Variants in PPP1R12B observed in about 807,000 individuals in gnomAD.
PPP1R12B encodes the protein protein phosphatase 1 regulatory subunit 12B, also known as myosin phosphatase target subunit 2.
PPP1R12B carries 76 observed loss-of-function variants against 126.1 expected under a neutral mutation model. That is an observed-to-expected ratio of 0.60 (90% CI 0.50 to 0.73). The LOEUF is 0.73. Ranked by LOEUF, PPP1R12B falls within the 30% of genes least tolerant of loss-of-function variation. The pLI is 0.00. For synonymous variants in PPP1R12B, 356 were observed against 434.7 expected (o/e 0.82, Z 2.25); for missense variants, 1,052 against 1,205.1 (o/e 0.87, Z 1.88).
intron 2 of PPP1R12B, 36 bp downstream of exon 2, chr1:202,416,953 T>G (rs1455426351): frequency 1.3e-6 from 2 of 1,585,030 alleles, no homozygotes; most frequent in African/African-American, 2.7e-5. Context: ...TTTGTAGTAT[T>G]TGTAGGAATA....
chr1:202,571,445 G>GTT (rs5780114), intron 23 of PPP1R12B, among the ~76,000 whole-genome samples: 3,354 of 150,256 alleles, frequency 0.022, 52 homozygotes, highest in South Asian at 0.036. Flanking sequence ...GCTGTTTTTT[G>GTT]TTTTTTTTTT....
At chr1:202,405,212 TGTTATGGTA>T (rs1666431011) in intron 1 of PPP1R12B, among the ~76,000 whole-genome samples, 1 of 152,192 alleles carries the variant, frequency 6.6e-6, no homozygotes, top group South Asian at 2.1e-4. Context: ...CCCGTGACTC[TGTTATGGTA>T]AAACGCAGTC....
chr1:202,557,247 G>C (rs1161024554), intron 18 of PPP1R12B, among the ~76,000 whole-genome samples: 1 of 152,124 alleles, frequency 6.6e-6, no homozygotes, highest in African/African-American at 2.4e-5. Flanking sequence ...TGCCTCCAGA[G>C]TGCTGGGATT....
chr1:202,400,814 A>G lies in PPP1R12B; in HGVS notation c.292-15973A>G, dbSNP rs538327328. Among the ~76,000 whole-genome samples the G allele has an allele frequency of 2.6e-5, 4 of 152,312 alleles. No homozygotes were observed. The South Asian group carries it at 8.3e-4, about 32-fold the overall frequency. ...TAACTGAGGCAGAAAGAAGTTAAGT[A>G]ACTTATACAAGGTCTTATAGCTATT... On this transcript the variant is annotated intron_variant, in intron 1 of 23. Coordinates refer to ENST00000608999, the MANE Select transcript of PPP1R12B (RefSeq NM_002481.4).
intron 18 of PPP1R12B, among the ~76,000 whole-genome samples, chr1:202,511,720 T>C (rs1445292275): frequency 1.3e-5 from 2 of 152,140 alleles, no homozygotes; most frequent in Non-Finnish European, 2.9e-5. Flanking sequence ...AATGTCATTA[T>C]TTCATTCCTT....
chr1:202,561,949 T>G (rs1180015096), intron 19 of PPP1R12B, among the ~76,000 whole-genome samples: 1 of 152,182 alleles, frequency 6.6e-6, no homozygotes. Context: ...ACCATCCCAG[T>G]TCAGGATGTA....
At chr1:202,467,212 GTCTC>G (rs905609166) in intron 13 of PPP1R12B, among the ~76,000 whole-genome samples, 2 of 150,302 alleles carry the variant, frequency 1.3e-5, no homozygotes, top group Non-Finnish European at 3.0e-5. Flanking sequence ...TTTGTAGGAT[GTCTC>G]TCTCTTTTTT....
At chr1:202,451,791 G>T (rs1672969597) in intron 13 of PPP1R12B, among the ~76,000 whole-genome samples, 1 of 151,066 alleles carries the variant, frequency 6.6e-6, no homozygotes, top group Admixed American at 6.6e-5. Context: ...CGGCTGGCAG[G>T]GTGGGGGCTG....
intron 1 of PPP1R12B, among the ~76,000 whole-genome samples, chr1:202,373,351 G>A (rs1346116346): frequency 6.6e-6 from 1 of 152,144 alleles, no homozygotes; most frequent in Non-Finnish European, 1.5e-5. Flanking sequence ...TGAGAATTTT[G>A]TTGCTTCTAC....
chr1:202,377,563 C>T (rs1287375977), intron 1 of PPP1R12B, among the ~76,000 whole-genome samples: 1 of 151,886 alleles, frequency 6.6e-6, no homozygotes, highest in Non-Finnish European at 1.5e-5. Context: ...CTCGGCCTCC[C>T]AAAGTGCTGG....
intron 23 of PPP1R12B, chr1:202,577,063 G>A (rs1159532466): frequency 6.6e-6 from 1 of 152,202 alleles, no homozygotes; most frequent in African/African-American, 2.4e-5. Flanking sequence ...TGCAGCTGAG[G>A]GAGGAAGGGC....
intron 22 of PPP1R12B, 145 bp downstream of exon 22, chr1:202,567,976 T>C: frequency 9.9e-7 from 1 of 1,005,160 alleles, no homozygotes; most frequent in South Asian, 1.6e-5. Flanking sequence ...GATGATAAAT[T>C]CTTTTTGTCT....
intron 1 of PPP1R12B, among the ~76,000 whole-genome samples, chr1:202,351,388 A>G (rs966054732): frequency 6.6e-6 from 1 of 152,060 alleles, no homozygotes; most frequent in African/African-American, 2.4e-5. Flanking sequence ...ATAGGTGCCC[A>G]CCACCATGCC....
intron 18 of PPP1R12B, chr1:202,527,449 T>G (rs1683463439): frequency 6.6e-6 from 1 of 152,180 alleles, no homozygotes; most frequent in Non-Finnish European, 1.5e-5. Context: ...AAAGCTGATC[T>G]AGAGAAAAAC....
At chr1:202,469,584 G>T (rs1205040939) in intron 13 of PPP1R12B, among the ~76,000 whole-genome samples, 1 of 152,020 alleles carries the variant, frequency 6.6e-6, no homozygotes, top group Non-Finnish European at 1.5e-5. Flanking sequence ...TACAGTGACG[G>T]TTATGAGACT....
At chr1:202,464,762 G>A (rs1410253607) in intron 13 of PPP1R12B, among the ~76,000 whole-genome samples, 1 of 152,196 alleles carries the variant, frequency 6.6e-6, no homozygotes, top group Non-Finnish European at 1.5e-5. Context: ...ATCAGTGACT[G>A]CCTTAGTTGT....
chr1:202,353,796 G>A (rs1047240893), intron 1 of PPP1R12B, among the ~76,000 whole-genome samples: 1 of 151,856 alleles, frequency 6.6e-6, no homozygotes, highest in Non-Finnish European at 1.5e-5. Context: ...ATTTTTTGTA[G>A]ACAAGGGGGT....
chr1:202,424,610 A>G (rs1204205103), intron 3 of PPP1R12B, among the ~76,000 whole-genome samples: 1 of 152,128 alleles, frequency 6.6e-6, no homozygotes, highest in Non-Finnish European at 1.5e-5. Flanking sequence ...GGCATGAGAC[A>G]CCGCACCCAG....
At chr1:202,492,494 C>T (rs948068369) in intron 14 of PPP1R12B, among the ~76,000 whole-genome samples, 1 of 152,168 alleles carries the variant, frequency 6.6e-6, no homozygotes, top group African/African-American at 2.4e-5. Flanking sequence ...TCTCCCTTCT[C>T]CTGTAGTTTT....
Sources: gnomAD v4.1 joint callset for allele counts (sites outside exome capture counted in the v4.1 genomes callset) on GRCh38, gnomAD v4.1.1 for gene constraint, MANE v1.5 for transcripts, NCBI Gene and HGNC (gene_info 2026-07-23, HGNC 2026-07-21) for gene names.